The following RASA1 variants were observed in gnomAD, a reference collection of about 807,000 sequenced individuals.
RASA1 encodes the protein ras GTPase-activating protein 1.
RASA1 carries 25 observed loss-of-function variants against 132.2 expected under a neutral mutation model. The ratio of observed to expected loss-of-function variants is 0.19; its 90% CI spans 0.14 to 0.26. The LOEUF (loss-of-function observed/expected upper bound fraction) is 0.26. RASA1 is among the 10% of genes least tolerant of loss of function. The pLI, the probability that RASA1 is intolerant of heterozygous loss-of-function variation, is 1.00. For missense variants in RASA1, 964 were observed against 1,299.2 expected, an observed-to-expected ratio of 0.74 and a Z score of 3.97; for synonymous variants, 477 against 449.9, an observed-to-expected ratio of 1.06 and a Z score of -0.76.
At position 87,389,459 on chromosome 5, in the gene RASA1, T is replaced by C. The variant is rs369796839; in HGVS notation, c.2992T>C (p.Leu998=). ...GGACCTGTCCCGTGATTTAGCAGCA[T>C]TGCATGAGATTTGCGTGGCTCATTC... ...RTDLSRDLAA[L]HEICVAHSDE... The change falls in exon 24 of 25, where the codon TTG becomes CTG. Residue 998 remains leucine, a synonymous_variant. Coordinates refer to ENST00000274376, the MANE Select transcript of RASA1 (RefSeq NM_002890.3). 6.8e-6 allele frequency: 11 copies of C among 1,614,204 alleles called. No homozygotes were observed. Among genetic ancestry groups the C allele is most frequent in the Admixed American group, 3.3e-5 (2 of 60,024 alleles).
intron 1 of RASA1, among the ~76,000 whole-genome samples, chr5:87,279,624 A>G (rs1754223728): frequency 6.6e-6 from 1 of 152,204 alleles, no homozygotes; most frequent in South Asian, 2.1e-4. Context: ...CTCACCAGCA[A>G]TGTGTGAAAG....
intron 1 of RASA1, among the ~76,000 whole-genome samples, chr5:87,287,454 T>TAC (rs759504143): frequency 1.4e-5 from 2 of 144,362 alleles, no homozygotes; most frequent in East Asian, 2.1e-4. Context: ...ACCATATATA[T>TAC]ACCATATATA....
Position 87,379,770 on chromosome 5 carries a change from G to C in RASA1, c.2523G>C (p.Val841=). 6.2e-7 allele frequency: 1 copy of C among 1,612,594 alleles called. No individual in the cohort carries two copies. Among genetic ancestry groups the C allele is most frequent in the African/African-American group, 1.3e-5 (1 of 74,970 alleles). Residue 841 remains valine (V), a synonymous_variant, in exon 19 of 25, where the codon GTG becomes GTC. Transcript: ENST00000274376. The part of the protein sequence containing the change: ...SPSKLEKNED[V]NTNLTHLLNI... Reference sequence around the variant, plus strand: ...CAAAGTTAGAAAAAAATGAAGATGTGAACACTAATTTAACACACCTATTGA... The same window carrying C: ...CAAAGTTAGAAAAAAATGAAGATGTCAACACTAATTTAACACACCTATTGA...
intron 8 of RASA1, among the ~76,000 whole-genome samples, chr5:87,350,317 T>C (rs1161562836): frequency 6.6e-6 from 1 of 151,788 alleles, no homozygotes; most frequent in Non-Finnish European, 1.5e-5. Flanking sequence ...ACAATCTGAG[T>C]TCTAGATGTC....
chr5:87,375,554 A>G (rs1761269993), intron 15 of RASA1, among the ~76,000 whole-genome samples: 1 of 152,138 alleles, frequency 6.6e-6, no homozygotes, highest in South Asian at 2.1e-4. Flanking sequence ...TATAAGTAAA[A>G]AAGTATTCTA....
At chr5:87,367,405 G>C (rs1325435838) in intron 11 of RASA1, among the ~76,000 whole-genome samples, 1 of 152,140 alleles carries the variant, frequency 6.6e-6, no homozygotes, top group Non-Finnish European at 1.5e-5. Flanking sequence ...TTAGCATTTA[G>C]AAGAAGACTA....
At chr5:87,352,640 A>T (rs1340223312) in intron 8 of RASA1, among the ~76,000 whole-genome samples, 1 of 151,764 alleles carries the variant, frequency 6.6e-6, no homozygotes, top group Admixed American at 6.6e-5. Flanking sequence ...ATAATCCTAC[A>T]TGTAAGATTA....
In RASA1 at chr5:87,389,409, C is replaced by T. The variant is rs772714180; in HGVS notation, c.2942C>T (p.Pro981Leu). The T allele has an allele frequency of 8.1e-6, 13 of 1,613,942 alleles. No individual in the cohort carries two copies. The highest frequency in any genetic ancestry group is 6.7e-5 in the East Asian group (3 of 44,892). The part of the protein sequence containing the change: ...LDELGNVPEL[P>L]DTTEHSRTDL... ...CCCTTAAAGAATGTACCTGAACTTC[C>T]GGACACTACAGAGCATTCTAGAACG... The change falls in exon 24 of 25, where the codon CCG becomes CTG. Residue 981 changes from proline to leucine, a missense_variant. Physicochemically the swap from Pro to Leu is moderately conservative, Grantham distance 98 (BLOSUM62 -3). Coordinates refer to ENST00000274376, the MANE Select transcript of RASA1 (RefSeq NM_002890.3).
chr5:87,359,215 G>A (rs2112447403), intron 9 of RASA1, among the ~76,000 whole-genome samples: 1 of 152,274 alleles, frequency 6.6e-6, no homozygotes, highest in Admixed American at 6.5e-5. Context: ...GGATCTGCAA[G>A]TTAAGTCTGT....
At chr5:87,294,278 C>G (rs892499969) in intron 1 of RASA1, 1 of 152,330 alleles carries the variant, frequency 6.6e-6, no homozygotes, top group South Asian at 2.1e-4. Context: ...TTGACCTGCT[C>G]TGTTTCCAAC....
In RASA1 at chr5:87,268,695, G is replaced by C. The variant is rs767017718; in HGVS notation, c.244G>C (p.Gly82Arg). Residue 82 changes from glycine to arginine, a missense_variant, in exon 1 of 25, where the codon GGG becomes CGG. Around this residue, in one of 6 missense-constraint regions of RASA1, gnomAD observed 326 missense variants for 275.8 expected, o/e 1.18. Coordinates refer to ENST00000274376, the MANE Select transcript of RASA1 (RefSeq NM_002890.3). ...AGCCGGGTCTGTGGCAGGGGCACTG[G>C]GGGGAGCTGGACTGACAGGGGGAGG... The part of the protein sequence containing the change: ...LGAGSVAGAL[G>R]GAGLTGGGTA... 10 of 1,611,814 alleles carry C rather than the reference G, an allele frequency of 6.2e-6. No individual in the cohort carries two copies. Among genetic ancestry groups the C allele is most frequent in the African/African-American group, 1.3e-5 (1 of 74,920 alleles).
intron 14 of RASA1, 73 bp from the exon 15 acceptor site, chr5:87,374,767 T>A: frequency 6.3e-7 from 1 of 1,585,152 alleles, no homozygotes; most frequent in Middle Eastern, 1.7e-4. Flanking sequence ...GTTTATTTGA[T>A]ACTAGAACTA....
intron 8 of RASA1, among the ~76,000 whole-genome samples, chr5:87,349,737 A>G (rs1759121746): frequency 6.6e-6 from 1 of 151,962 alleles, no homozygotes; most frequent in Non-Finnish European, 1.5e-5. Context: ...AAGTTTCTAA[A>G]GATACCTGAG....
intron 11 of RASA1, 131 bp downstream of exon 11, chr5:87,363,635 T>C: frequency 1.0e-6 from 1 of 988,502 alleles, no homozygotes; most frequent in Non-Finnish European, 1.5e-6. Context: ...AGGTAATTTT[T>C]GCCTTCCTTG....
At chr5:87,295,019 C>G (rs1755058830) in intron 1 of RASA1, among the ~76,000 whole-genome samples, 1 of 152,026 alleles carries the variant, frequency 6.6e-6, no homozygotes, top group African/African-American at 2.4e-5. Flanking sequence ...TTTTACTCTT[C>G]ATTGTTAGGC....
chr5:87,272,650 T>C (rs984986863), intron 1 of RASA1, among the ~76,000 whole-genome samples: 3 of 152,308 alleles, frequency 2.0e-5, no homozygotes, highest in Non-Finnish European at 2.9e-5. Context: ...TGTAATATTT[T>C]ACTAGCACTA....
chr5:87,319,567 T>TAGCCAC (rs1756621093), intron 1 of RASA1, among the ~76,000 whole-genome samples: 1 of 152,156 alleles, frequency 6.6e-6, no homozygotes, highest in African/African-American at 2.4e-5. Flanking sequence ...TGGCCCCTTT[T>TAGCCAC]AGCCACAGCC....
At chr5:87,339,621 A>G (rs994790325) in intron 5 of RASA1, among the ~76,000 whole-genome samples, 3 of 152,146 alleles carry the variant, frequency 2.0e-5, no homozygotes, top group African/African-American at 7.2e-5. Context: ...TACTCAATGT[A>G]TACAGAAAAA....
rs1198740362 is a variant in RASA1 at position 87,285,224 on chromosome 5, C to T, written c.539+16234C>T. ...CTGGGACTACAGGCGAGTGCCACCACGCCCAGCTAATTTTTATATTTTTTA... is the reference window on the plus strand; with the variant it reads ...CTGGGACTACAGGCGAGTGCCACCATGCCCAGCTAATTTTTATATTTTTTA... On this transcript the variant is annotated intron_variant, in intron 1 of 24. Coordinates refer to ENST00000274376, the MANE Select transcript of RASA1 (RefSeq NM_002890.3). Among the ~76,000 whole-genome samples, 12 of 151,894 alleles carry T rather than the reference C, an allele frequency of 7.9e-5. No individual in the cohort carries two copies. In the South Asian group the frequency reaches 8.3e-4, roughly 11 times the overall value.
Sources: gnomAD v4.1 joint callset for allele counts (sites outside exome capture counted in the v4.1 genomes callset) on GRCh38, gnomAD v4.1.1 for gene constraint, gnomAD v4.1.1 regional missense constraint, MANE v1.5 for transcripts, NCBI Gene and HGNC (gene_info 2026-07-23, HGNC 2026-07-21) for gene names.